The following PDE7B variants were observed in gnomAD, a reference collection of about 807,000 sequenced individuals.
PDE7B encodes 3',5'-cyclic-AMP phosphodiesterase 7B.
In PDE7B, 29 loss-of-function variants were observed where a neutral mutation model predicts 56.2. The ratio of observed to expected loss-of-function variants is 0.52; its 90% confidence interval spans 0.38 to 0.70. PDE7B has a LOEUF of 0.70. PDE7B is among the 30% of genes least tolerant of loss of function. PDE7B has a pLI of 0.00. For missense variants in PDE7B, 490 were observed against 565.0 expected (o/e 0.87, Z 1.35); for synonymous variants, 197 against 196.9 (o/e 1.00, Z 0.00).
Position 136,179,148 on chromosome 6 carries a change from GA to G in PDE7B, c.948+10del, listed in dbSNP as rs140075428. On this transcript the variant is annotated splice_region_variant and intron_variant, in intron 10 of 12. Coordinates refer to ENST00000308191, the MANE Select transcript of PDE7B (RefSeq NM_018945.4). The stretch of plus-strand genomic sequence containing the variant: ...CAGGCACTTTATGCTTCAGGTAAAC[GA>G]AACAATAAAAGCCATTCTTTTTGCT... 5.2e-5 allele frequency: 84 copies of G among 1,613,108 alleles called. No homozygotes were observed. The African/African-American group carries it at 1.1e-3, about 20-fold the overall frequency.
intron 8 of PDE7B, chr6:136,156,112 C>A (rs1778598299): frequency 5.3e-6 from 2 of 374,198 alleles, no homozygotes; most frequent in Non-Finnish European, 1.0e-5. Context: ...AATTTATTCT[C>A]TAATTCTCTG....
At chr6:136,168,163 A>G (rs1778825644) in intron 8 of PDE7B, among the ~76,000 whole-genome samples, 1 of 152,172 alleles carries the variant, frequency 6.6e-6, no homozygotes, top group East Asian at 1.9e-4. Context: ...TTAATAATTT[A>G]ATATTTATGT....
At chr6:135,888,556 T>C (rs1775751974) in intron 1 of PDE7B, among the ~76,000 whole-genome samples, 1 of 151,972 alleles carries the variant, frequency 6.6e-6, no homozygotes, top group Admixed American at 6.6e-5. Flanking sequence ...GTATAAAATA[T>C]AGGTATAAAA....
Position 136,194,316 on chromosome 6 carries a change from G to A in PDE7B, c.*2476G>A, listed in dbSNP as rs1779278030. On this transcript the variant is annotated 3_prime_UTR_variant, in exon 13 of 13. Coordinates refer to ENST00000308191, the MANE Select transcript of PDE7B (RefSeq NM_018945.4). ...ATAAATGAGATTGGAGGTATTCTTA[G>A]TAGTTCTGAGTTGATAGTTTACATT... 1 of 152,076 alleles carries A rather than the reference G, an allele frequency of 6.6e-6. No individual in the cohort carries two copies. The highest frequency in any genetic ancestry group is 6.6e-5 in the Admixed American group (1 of 15,262). The allele number at this position is 152,076 out of a possible 1,614,324, so 9.4% of individuals were successfully genotyped here.
intron 2 of PDE7B, among the ~76,000 whole-genome samples, chr6:136,063,912 C>T (rs1776888082): frequency 6.6e-6 from 1 of 152,186 alleles, no homozygotes; most frequent in Non-Finnish European, 1.5e-5. Flanking sequence ...TATTCCATAT[C>T]TTCCTGGCTA....
At chr6:136,130,061 C>T (rs1221017095) in intron 3 of PDE7B, among the ~76,000 whole-genome samples, 1 of 152,126 alleles carries the variant, frequency 6.6e-6, no homozygotes, top group African/African-American at 2.4e-5. Flanking sequence ...GTTCTCAGAG[C>T]TCTATAGTTT....
rs1191243980 is a variant in PDE7B at position 135,877,070 on chromosome 6, C to CT, written c.21+25054dup. On this transcript the variant is annotated intron_variant, in intron 1 of 12. Transcript: ENST00000308191. Reference sequence around the variant, plus strand: ...CTCATTTCTAGAAGATACATTTGTTCTTTAAAAAAAAATCTACCGAATTCT... The same window carrying CT: ...CTCATTTCTAGAAGATACATTTGTTCTTTTAAAAAAAAATCTACCGAATTCT... Among the ~76,000 whole-genome samples the CT allele has an allele frequency of 3.5e-5, 5 of 142,108 alleles. No homozygotes were observed. The East Asian group carries it at 7.7e-4, about 22-fold the overall frequency. 93.2% of individuals were successfully genotyped at this position (142,108 alleles called of 152,430 possible).
At chr6:136,019,806 T>C (rs1776041270) in intron 2 of PDE7B, among the ~76,000 whole-genome samples, 1 of 152,094 alleles carries the variant, frequency 6.6e-6, no homozygotes, top group African/African-American at 2.4e-5. Context: ...ATTAAGAAAA[T>C]CATAAGGAAG....
chr6:135,927,463 T>G (rs1774212786), intron 1 of PDE7B, among the ~76,000 whole-genome samples: 1 of 152,204 alleles, frequency 6.6e-6, no homozygotes, highest in African/African-American at 2.4e-5. Context: ...ATTGAATCTA[T>G]AAACTCTTTG....
intron 2 of PDE7B, chr6:136,049,168 T>C (rs1214068124): frequency 6.6e-6 from 1 of 152,642 alleles, no homozygotes; most frequent in Non-Finnish European, 1.5e-5. Flanking sequence ...AGTGGCTCAA[T>C]CACAGCTCAC....
At chr6:136,070,987 T>G (rs535937349) in intron 2 of PDE7B, among the ~76,000 whole-genome samples, 2 of 152,108 alleles carry the variant, frequency 1.3e-5, no homozygotes, top group East Asian at 3.9e-4. Context: ...AGAGCCAGCA[T>G]GAGGAGCCCT....
intron 2 of PDE7B, among the ~76,000 whole-genome samples, chr6:135,970,787 G>A (rs1775081380): frequency 6.6e-6 from 1 of 152,178 alleles, no homozygotes; most frequent in Admixed American, 6.6e-5. Context: ...CTGGAAATTA[G>A]TGGTTTGGCC....
At chr6:136,088,336 C>T (rs377374211) in intron 2 of PDE7B, among the ~76,000 whole-genome samples, 19 of 152,072 alleles carry the variant, frequency 1.2e-4, no homozygotes, top group Non-Finnish European at 2.2e-4. Context: ...ATATCCCTTA[C>T]GGAAATATTA....
chr6:136,069,331 C>G (rs1478370883), intron 2 of PDE7B, among the ~76,000 whole-genome samples: 1 of 152,188 alleles, frequency 6.6e-6, no homozygotes, highest in Non-Finnish European at 1.5e-5. Flanking sequence ...CATCTTTAAA[C>G]CATTCACAAG....
chr6:136,095,108 TG>T (rs1777451615), intron 2 of PDE7B, among the ~76,000 whole-genome samples: 1 of 152,226 alleles, frequency 6.6e-6, no homozygotes, highest in Non-Finnish European at 1.5e-5. Flanking sequence ...ATTAACATAC[TG>T]AAGCGTCTGA....
intron 1 of PDE7B, among the ~76,000 whole-genome samples, chr6:135,931,235 A>G (rs1284376558): frequency 2.6e-5 from 4 of 152,218 alleles, no homozygotes; most frequent in African/African-American, 7.2e-5. Context: ...AAACCTTTAC[A>G]TGAATCCATT....
intron 1 of PDE7B, among the ~76,000 whole-genome samples, chr6:135,888,026 C>T (rs547142826): frequency 6.6e-6 from 1 of 152,228 alleles, no homozygotes; most frequent in South Asian, 2.1e-4. Context: ...TTTCATCTTG[C>T]TATGTCATCT....
chr6:135,921,740 G>A (rs979723177), intron 1 of PDE7B, among the ~76,000 whole-genome samples: 12 of 151,928 alleles, frequency 7.9e-5, no homozygotes. Flanking sequence ...AAAAGTCATA[G>A]CTATTGGGTA....
At chr6:136,083,727 TG>T (rs1364977065) in intron 2 of PDE7B, among the ~76,000 whole-genome samples, 5 of 152,192 alleles carry the variant, frequency 3.3e-5, no homozygotes, top group African/African-American at 9.7e-5. Context: ...ATGCTTTGGT[TG>T]GCTTGGAACA....
Sources: allele counts gnomAD v4.1 joint callset (sites outside exome capture counted in the v4.1 genomes callset), GRCh38; gene constraint gnomAD v4.1.1; transcripts MANE v1.5; gene names NCBI Gene and HGNC (gene_info 2026-07-23, HGNC 2026-07-21).